Variants in PRKN observed in about 807,000 individuals in gnomAD.
The protein encoded by PRKN is parkin RBR E3 ubiquitin protein ligase.
Under a neutral mutation model 59.5 loss-of-function variants are expected in PRKN, and 56 were observed. That is an observed-to-expected ratio of 0.94 (90% CI 0.76 to 1.18). The LOEUF is 1.18. Among genes scored for constraint, PRKN ranks in the 50% most tolerant of loss-of-function variants. PRKN has a pLI of 0.00. For synonymous variants in PRKN, 250 were observed against 222.1 expected (o/e 1.13, Z -1.12); for missense variants, 657 against 596.4 (o/e 1.10, Z -1.06).
intron 5 of PRKN, among the ~76,000 whole-genome samples, chr6:161,977,542 G>GTTTTTTTTTTTTTTTTTTT (rs1554256833): frequency 9.6e-6 from 1 of 104,522 alleles, no homozygotes. Context: ...TGTTTTTTTG[G>GTTTTTTTTTTTTTTTTTTT]TTTTTTTTTT....
chr6:162,147,344 G>GAAAAAAAAA (rs767653516), intron 4 of PRKN, among the ~76,000 whole-genome samples: 1 of 42,060 alleles, frequency 2.4e-5, no homozygotes, highest in Admixed American at 2.7e-4. Flanking sequence ...CTCTGTCTCA[G>GAAAAAAAAA]AAAAAAAAAA....
intron 2 of PRKN, among the ~76,000 whole-genome samples, chr6:162,410,038 T>C (rs1319104266): frequency 6.6e-6 from 1 of 152,150 alleles, no homozygotes; most frequent in Non-Finnish European, 1.5e-5. Context: ...AATAACATTA[T>C]CAATGAAAAT....
chr6:162,057,094 C>A (rs930289794), intron 4 of PRKN, among the ~76,000 whole-genome samples: 14 of 152,124 alleles, frequency 9.2e-5, no homozygotes, highest in African/African-American at 3.1e-4. Context: ...CAGGACATGA[C>A]GACATAGGAT....
chr6:162,309,385 G>C (rs375662872), intron 2 of PRKN, among the ~76,000 whole-genome samples: 1 of 152,034 alleles, frequency 6.6e-6, no homozygotes, highest in Admixed American at 6.6e-5. Context: ...GGCTGTTCTC[G>C]AACTCCTGAC....
At chr6:161,819,569 T>C (rs1791934348) in intron 6 of PRKN, among the ~76,000 whole-genome samples, 1 of 152,206 alleles carries the variant, frequency 6.6e-6, no homozygotes. Flanking sequence ...TAAATGTTTC[T>C]TGTATCTCTA....
intron 1 of PRKN, among the ~76,000 whole-genome samples, chr6:162,586,657 C>T (rs1781072759): frequency 6.6e-6 from 1 of 152,180 alleles, no homozygotes; most frequent in South Asian, 2.1e-4. Flanking sequence ...ACAGCTGCTG[C>T]ATATTAAATC....
At position 161,766,314 on chromosome 6, in the gene PRKN, A is replaced by ATTTTTTTTTTTTTTTTTTT. The variant is rs758294050; in HGVS notation, c.871+19457_871+19458insAAAAAAAAAAAAAAAAAAA. 1.3e-4 allele frequency among the ~76,000 whole-genome samples: 18 copies of ATTTTTTTTTTTTTTTTTTT among 139,640 alleles called. 1 individual carries two copies. The highest frequency in any genetic ancestry group is 4.6e-4 in the African/African-American group (17 of 37,332). The allele number at this position is 139,640 out of a possible 152,430, so 91.6% of individuals were successfully genotyped here. Reference sequence around the variant, plus strand: ...ACTTATGCCTGCTGTCATTGACCACATTTTTTTTTTTTTAGACAGAGTCTC... The same window carrying ATTTTTTTTTTTTTTTTTTT: ...ACTTATGCCTGCTGTCATTGACCACATTTTTTTTTTTTTTTTTTTTTTTTTTTTTTTTAGACAGAGTCTC... On this transcript the variant is annotated intron_variant, in intron 7 of 11. Coordinates refer to ENST00000366898, the MANE Select transcript of PRKN (RefSeq NM_004562.3).
chr6:161,870,302 A>G (rs1347486545), intron 6 of PRKN, among the ~76,000 whole-genome samples: 6 of 152,174 alleles, frequency 3.9e-5, no homozygotes, highest in Non-Finnish European at 7.4e-5. Context: ...ATACTCTATT[A>G]CCAAATTAGT....
chr6:161,611,434 T>G (rs1782485896), intron 7 of PRKN, among the ~76,000 whole-genome samples: 1 of 152,244 alleles, frequency 6.6e-6, no homozygotes, highest in Admixed American at 6.5e-5. Flanking sequence ...GTGTGCTCAC[T>G]TTCAGTCTCT....
intron 1 of PRKN, chr6:162,568,776 CAGG>C (rs1314728614): frequency 2.7e-6 from 2 of 741,196 alleles, no homozygotes; most frequent in Non-Finnish European, 4.9e-6. Context: ...CACTCTGGTC[CAGG>C]AGAAGCTGAA....
rs1267832000 is a variant in PRKN, at chr6:161,379,040, G to A, written c.1167+7754C>T. On this transcript the variant is annotated intron_variant, in intron 10 of 11. Transcript: ENST00000366898. The surrounding 1 kb of genome is among the most constrained non-coding windows in gnomAD (Gnocchi z 4.9). ...GCATTGCCAAGGGATTAGCAGGCTA[G>A]AAAGGGAGTTGCCATCCTGGAAGGG... Among the ~76,000 whole-genome samples the A allele has an allele frequency of 6.6e-6, 1 of 152,204 alleles. No homozygotes were observed. The highest frequency in any genetic ancestry group is 1.5e-5 in the Non-Finnish European group (1 of 68,030).
chr6:161,602,541 C>T (rs1281129766), intron 7 of PRKN, among the ~76,000 whole-genome samples: 1 of 152,068 alleles, frequency 6.6e-6, no homozygotes, highest in Non-Finnish European at 1.5e-5. Flanking sequence ...TTGAGTTGTC[C>T]CTCAAGGAAT....
At position 162,219,627 on chromosome 6, in the gene PRKN, A is replaced by C. The variant is rs898836684; in HGVS notation, c.413-18375T>G. Among the ~76,000 whole-genome samples the C allele has an allele frequency of 1.9e-4, 29 of 152,076 alleles. 1 individual carries two copies. The highest frequency in any genetic ancestry group is 6.5e-4 in the African/African-American group (27 of 41,498). On this transcript the variant is annotated intron_variant, in intron 3 of 11. Transcript: ENST00000366898. The stretch of plus-strand genomic sequence containing the variant: ...CGCAGCATGGAGGAAAAAAAAAAAA[A>C]CATACTTCAGGGAGATAATATCTTT...
intron 1 of PRKN, among the ~76,000 whole-genome samples, chr6:162,616,454 T>C (rs1782421955): frequency 6.6e-6 from 1 of 152,148 alleles, no homozygotes; most frequent in Non-Finnish European, 1.5e-5. Flanking sequence ...CCATAAATAT[T>C]ATTTATAAAA....
chr6:162,281,053 C>T (rs945196757), intron 2 of PRKN, among the ~76,000 whole-genome samples: 3 of 152,064 alleles, frequency 2.0e-5, no homozygotes, highest in Non-Finnish European at 4.4e-5. Flanking sequence ...GCATCCATGC[C>T]ATAAAATACA....
chr6:162,208,447 C>T (rs1245607967), intron 3 of PRKN, among the ~76,000 whole-genome samples: 1 of 152,152 alleles, frequency 6.6e-6, no homozygotes, highest in Non-Finnish European at 1.5e-5. Context: ...AACGTATCTG[C>T]ACAATAATTT....
intron 1 of PRKN, among the ~76,000 whole-genome samples, chr6:162,618,014 G>A (rs1042609794): frequency 5.3e-5 from 8 of 152,112 alleles, no homozygotes; most frequent in Admixed American, 3.9e-4. Flanking sequence ...TTCCCAGGAC[G>A]GCAGCTGATA....
At chr6:162,025,250 G>A (rs1582915498) in intron 5 of PRKN, among the ~76,000 whole-genome samples, 1 of 151,946 alleles carries the variant, frequency 6.6e-6, no homozygotes, top group Non-Finnish European at 1.5e-5. Context: ...TGATCCGACC[G>A]CCTCGGCCTC....
intron 4 of PRKN, among the ~76,000 whole-genome samples, chr6:162,189,880 T>C (rs1784199263): frequency 6.6e-6 from 1 of 152,116 alleles, no homozygotes; most frequent in Non-Finnish European, 1.5e-5. Flanking sequence ...TAGAGTTCAT[T>C]TCTCCATGAG....
Sources: allele counts gnomAD v4.1 joint callset (sites outside exome capture counted in the v4.1 genomes callset), GRCh38; gene constraint gnomAD v4.1.1; non-coding constraint Gnocchi (gnomAD v3.1); transcripts MANE v1.5; gene names NCBI Gene and HGNC (gene_info 2026-07-23, HGNC 2026-07-21).